Variants in TBL1XR1 observed in about 807,000 individuals in gnomAD.
The protein encoded by TBL1XR1 is F-box-like/WD repeat-containing protein TBL1XR1.
In TBL1XR1, 5 loss-of-function variants were observed where a neutral mutation model predicts 66.9. That is an observed-to-expected ratio of 0.07 (90% confidence interval 0.04 to 0.16). The LOEUF is 0.16. Ranked by LOEUF, TBL1XR1 falls within the 10% of genes least tolerant of loss-of-function variation. TBL1XR1 has a pLI of 1.00. For missense variants in TBL1XR1, 238 were observed against 623.2 expected (o/e 0.38, Z 6.58); for synonymous variants, 210 against 206.0 (o/e 1.02, Z -0.17).
chr3:177,083,372 T>C (rs1448662007), intron 2 of TBL1XR1, among the ~76,000 whole-genome samples: 1 of 152,230 alleles, frequency 6.6e-6, no homozygotes, highest in Non-Finnish European at 1.5e-5. Flanking sequence ...AGTTAGTATG[T>C]ATGTTTTGTC....
At chr3:177,146,547 G>A (rs1284469758) in intron 1 of TBL1XR1, among the ~76,000 whole-genome samples, 4 of 130,722 alleles carry the variant, frequency 3.1e-5, no homozygotes, top group Admixed American at 9.1e-5. Flanking sequence ...CCAAGATCAC[G>A]CCACTGCACT....
At position 177,153,010 on chromosome 3, in the gene TBL1XR1, G is replaced by A. The variant is rs563263430; in HGVS notation, c.-122+44111C>T. Among the ~76,000 whole-genome samples the A allele has an allele frequency of 3.4e-4, 52 of 152,088 alleles. No individual in the cohort carries two copies. The South Asian group carries it at 9.1e-3, about 27-fold the overall frequency. On this transcript the variant is annotated intron_variant, in intron 1 of 15. Transcript: ENST00000457928. The stretch of plus-strand genomic sequence containing the variant: ...AAAAAAACTAGCTGGGCGTGGTGGC[G>A]TGCACCTGTAATCCCAGCTACTGGG...
upstream of TBL1XR1, among the ~76,000 whole-genome samples, chr3:177,200,878 G>C (rs889415175): frequency 6.6e-5 from 10 of 151,644 alleles, no homozygotes; most frequent in Admixed American, 5.3e-4. Flanking sequence ...GTGGTGGCGG[G>C]TGCCTGTAAT....
intron 2 of TBL1XR1, among the ~76,000 whole-genome samples, chr3:177,095,607 G>A (rs1156410182): frequency 6.6e-6 from 1 of 151,708 alleles, no homozygotes; most frequent in Non-Finnish European, 1.5e-5. Flanking sequence ...AGCCTCCCAA[G>A]TAGCTGAGAT....
intron 1 of TBL1XR1, among the ~76,000 whole-genome samples, chr3:177,124,587 C>A (rs549184314): frequency 6.6e-6 from 1 of 152,176 alleles, no homozygotes; most frequent in East Asian, 1.9e-4. Context: ...ACTGGAAGGC[C>A]TTTCTCCCAT....
intron 3 of TBL1XR1, among the ~76,000 whole-genome samples, chr3:177,060,689 C>T (rs1036571683): frequency 3.3e-5 from 5 of 152,246 alleles, no homozygotes; most frequent in East Asian, 1.9e-4. Flanking sequence ...TCAATGGTGA[C>T]GCAAAAGGTG....
chr3:177,065,901 CATA>C (rs1430158649), intron 2 of TBL1XR1, among the ~76,000 whole-genome samples: 3 of 152,128 alleles, frequency 2.0e-5, no homozygotes, highest in African/African-American at 7.2e-5. Context: ...ATTTGAATTT[CATA>C]ATATCATTGT....
At position 177,097,008 on chromosome 3, in the gene TBL1XR1, T is replaced by C. The variant is rs563348076; in HGVS notation, c.-46+1458A>G. Among the ~76,000 whole-genome samples the C allele has an allele frequency of 7.2e-5, 11 of 152,244 alleles. No homozygotes were observed. The East Asian group carries it at 1.7e-3, about 24-fold the overall frequency. On this transcript the variant is annotated intron_variant, in intron 2 of 15. Coordinates refer to ENST00000457928, the MANE Select transcript of TBL1XR1 (RefSeq NM_024665.7). Reference sequence around the variant, plus strand: ...CAGGAAAAGGAGGAGGTCAACCTTTTTTCCCCAATAGGAATTCAGAAGAGT... The same window carrying C: ...CAGGAAAAGGAGGAGGTCAACCTTTCTTCCCCAATAGGAATTCAGAAGAGT...
At chr3:177,099,941 T>A (rs935740986) in intron 1 of TBL1XR1, among the ~76,000 whole-genome samples, 5 of 152,258 alleles carry the variant, frequency 3.3e-5, no homozygotes, top group Non-Finnish European at 7.3e-5. Context: ...ATAATGTGTA[T>A]TTTAAAACAC....
At chr3:177,087,182 A>T (rs905837175) in intron 2 of TBL1XR1, 4 of 149,678 alleles carry the variant, frequency 2.7e-5, no homozygotes, top group Non-Finnish European at 3.0e-5. Context: ...GGTCAACTAT[A>T]CTAACCCTTC....
At chr3:177,155,140 A>G (rs1010463708) in intron 1 of TBL1XR1, among the ~76,000 whole-genome samples, 4 of 152,360 alleles carry the variant, frequency 2.6e-5, no homozygotes, top group Admixed American at 2.6e-4. Flanking sequence ...CTATTTCACA[A>G]ACAAAACGAA....
intron 2 of TBL1XR1, among the ~76,000 whole-genome samples, chr3:177,080,886 T>C (rs1234587052): frequency 6.6e-6 from 1 of 152,216 alleles, no homozygotes; most frequent in Non-Finnish European, 1.5e-5. Flanking sequence ...TTTGTTCCTT[T>C]ATACTTCATT....
At chr3:177,037,639 C>G (rs1714993749) in intron 12 of TBL1XR1, 1 of 156,984 alleles carries the variant, frequency 6.4e-6, no homozygotes, top group Non-Finnish European at 1.4e-5. Flanking sequence ...GGACTTACAC[C>G]ATTGGCACTC....
chr3:177,069,245 A>G (rs1272237306), intron 2 of TBL1XR1, among the ~76,000 whole-genome samples: 1 of 152,210 alleles, frequency 6.6e-6, no homozygotes, highest in Non-Finnish European at 1.5e-5. Context: ...AATTTTTAAG[A>G]AAGCATTTTT....
At position 177,143,713 on chromosome 3, in the gene TBL1XR1, T is replaced by C. The variant is rs1040547323; in HGVS notation, c.-121-45172A>G. ...CAAGGTGATGGGAATCTGAGAATAT[T>C]ATCCAATTGTTTAGGTTTCAATTCA... On this transcript the variant is annotated intron_variant, in intron 1 of 15. Transcript: ENST00000457928. Among the ~76,000 whole-genome samples, 37 of 152,322 alleles carry C rather than the reference T, an allele frequency of 2.4e-4. 1 individual carries two copies. The highest frequency in any genetic ancestry group is 2.2e-3 in the Admixed American group (34 of 15,290).
intron 3 of TBL1XR1, among the ~76,000 whole-genome samples, chr3:177,058,235 C>A (rs1718056608): frequency 6.6e-6 from 1 of 152,150 alleles, no homozygotes; most frequent in African/African-American, 2.4e-5. Context: ...GTCAGAAAAG[C>A]TCAGCAAATT....
intron 2 of TBL1XR1, among the ~76,000 whole-genome samples, chr3:177,082,587 T>C (rs376778814): frequency 4.0e-5 from 6 of 151,206 alleles, no homozygotes; most frequent in East Asian, 3.9e-4. Flanking sequence ...TTTGTAACAG[T>C]TATGCGTAAC....
intron 1 of TBL1XR1, among the ~76,000 whole-genome samples, chr3:177,124,520 T>C (rs1164455379): frequency 2.0e-5 from 3 of 152,098 alleles, no homozygotes; most frequent in African/African-American, 4.8e-5. Context: ...AACTATTTCT[T>C]ACGTGCTATA....
At chr3:177,133,590 C>T (rs926427122) in intron 1 of TBL1XR1, among the ~76,000 whole-genome samples, 18 of 152,046 alleles carry the variant, frequency 1.2e-4, no homozygotes, top group African/African-American at 3.4e-4. Flanking sequence ...TAATAATATA[C>T]GCATACATGC....
Sources: gnomAD v4.1 joint callset for allele counts (sites outside exome capture counted in the v4.1 genomes callset) on GRCh38, gnomAD v4.1.1 for gene constraint, MANE v1.5 for transcripts, NCBI Gene and HGNC (gene_info 2026-07-23, HGNC 2026-07-21) for gene names.